The following LRRC58 variants were observed in gnomAD, a reference collection of about 807,000 sequenced individuals.
LRRC58 encodes the protein leucine rich repeat containing 58, also known as leucine-rich repeat-containing protein 58.
In LRRC58, 18 loss-of-function variants were observed where a neutral mutation model predicts 30.6. That is an observed-to-expected ratio of 0.59 (90% CI 0.41 to 0.87). LRRC58 has a LOEUF of 0.87. LRRC58 is among the 40% of genes least tolerant of loss of function. LRRC58 has a pLI of 0.00. For synonymous variants in LRRC58, 221 were observed against 206.0 expected, an observed-to-expected ratio of 1.07 and a Z score of -0.62; for missense variants, 420 against 468.4, an observed-to-expected ratio of 0.90 and a Z score of 0.95.
At position 120,349,068 on chromosome 3, in the gene LRRC58, A is replaced by G. The variant is rs1487595602; in HGVS notation, c.176T>C (p.Leu59Pro). ...GAAGCCGCTGCCCAGCGCCCGTGGC[A>G]GCGACACCAGACGGTTGTGAGGCAG... ...LLLPHNRLVS[L>P]PRALGSGFPH... Residue 59 changes from leucine to proline, a missense_variant, in exon 1 of 4, where the codon CTG becomes CCG. Transcript: ENST00000295628. The G allele has an allele frequency of 1.3e-6, 2 of 1,518,752 alleles. No individual in the cohort carries two copies. Among genetic ancestry groups the G allele is most frequent in the Non-Finnish European group, 8.8e-7 (1 of 1,141,848 alleles). 94.1% of individuals were successfully genotyped at this position (1,518,752 alleles called of 1,614,324 possible).
rs1935730651 is a variant in LRRC58 at position 120,329,908 on chromosome 3, C to A, written c.*1292G>T. ...GTACTTAATAAAAATTTGGTAATTT[C>A]TAATAGCAATTAATTTGTGAAACTA... On this transcript the variant is annotated 3_prime_UTR_variant, in exon 4 of 4. Transcript: ENST00000295628. The A allele has an allele frequency of 6.6e-6, 1 of 151,872 alleles. No individual in the cohort carries two copies. Among genetic ancestry groups the A allele is most frequent in the Non-Finnish European group, 1.5e-5 (1 of 67,890 alleles). The allele number at this position is 151,872 out of a possible 1,614,324, so 9.4% of individuals were successfully genotyped here.
intron 1 of LRRC58, among the ~76,000 whole-genome samples, chr3:120,344,974 G>C (rs1049783609): frequency 6.6e-6 from 1 of 152,078 alleles, no homozygotes; most frequent in African/African-American, 2.4e-5. Flanking sequence ...CATTTTGATG[G>C]AAAGTAACTA....
rs1935687211 is a variant in LRRC58, at chr3:120,327,165, T to A, written c.*4035A>T. 1 of 152,142 alleles carries A rather than the reference T, an allele frequency of 6.6e-6. No homozygotes were observed. The highest frequency in any genetic ancestry group is 2.4e-5 in the African/African-American group (1 of 41,428). The allele number at this position is 152,142 out of a possible 1,614,324, so 9.4% of individuals were successfully genotyped here. ...ACTTAATTTTAAAACAATTCACTAT[T>A]ACTTTAAAGGGCTTTCTAGGCCTAG... On this transcript the variant is annotated 3_prime_UTR_variant, in exon 4 of 4. Coordinates refer to ENST00000295628, the MANE Select transcript of LRRC58 (RefSeq NM_001099678.2).
chr3:120,331,408 C>T lies in LRRC58; in HGVS notation c.908G>A (p.Gly303Glu), dbSNP rs750579351. The T allele has an allele frequency of 2.5e-6, 4 of 1,610,282 alleles. No individual in the cohort carries two copies. Among genetic ancestry groups the T allele is most frequent in the South Asian group, 1.1e-5 (1 of 90,958 alleles). Residue 303 changes from glycine (G) to glutamate (E), a missense_variant and splice_region_variant, in exon 4 of 4, where the codon GGA (glycine) becomes GAA (glutamate). Around this residue, in one of 2 missense-constraint regions of LRRC58, gnomAD observed 154 missense variants for 216.8 expected, o/e 0.71. Transcript: ENST00000295628. ...TCTGACACAGCAGTCAAAGTAGACT[C>T]CTAAAGAGAAGAAGGAATAGAAAGT... ...ASNCPNPKCG[G>E]VYFDCCVRQI... is the part of the protein sequence containing the mutation.
rs1017643329 is a variant in LRRC58, at chr3:120,335,020, C to T, written c.749G>A (p.Arg250His). 1.2e-6 allele frequency: 2 copies of T among 1,613,858 alleles called. No homozygotes were observed. The highest frequency in any genetic ancestry group is 1.1e-5 in the South Asian group (1 of 91,068). ...LSLRGNPLVV[R>H]FVRDLTYDPP... The stretch of plus-strand genomic sequence containing the variant: ...ATCATAGGTTAAATCTCTAACAAAA[C>T]GAACAACCAATGGATTTCCTCGTAA... Residue 250 changes from arginine to histidine, a missense_variant, in exon 3 of 4, where the codon CGT becomes CAT. Arg to His is a conservative substitution (Grantham distance 29). Transcript: ENST00000295628.
Position 120,325,049 on chromosome 3 carries a change from T to G in LRRC58, c.*6151A>C, listed in dbSNP as rs1321399041. Reference sequence around the variant, plus strand: ...TTACAATGCTGCTTATCTAAAACTTTTCTCCCATTATGTTTTTGTTTCTCA... The same window carrying G: ...TTACAATGCTGCTTATCTAAAACTTGTCTCCCATTATGTTTTTGTTTCTCA... On this transcript the variant is annotated 3_prime_UTR_variant, in exon 4 of 4. Transcript: ENST00000295628. 1 of 152,230 alleles carries G rather than the reference T, an allele frequency of 6.6e-6. No individual in the cohort carries two copies. Among genetic ancestry groups the G allele is most frequent in the Non-Finnish European group, 1.5e-5 (1 of 68,036 alleles). 9.4% of individuals were successfully genotyped at this position (152,230 alleles called of 1,614,324 possible).
intron 3 of LRRC58, among the ~76,000 whole-genome samples, chr3:120,332,767 A>G (rs1464183042): frequency 6.6e-6 from 1 of 151,442 alleles, no homozygotes; most frequent in Non-Finnish European, 1.5e-5. Flanking sequence ...TTTTTTTTTA[A>G]GAGACAGGGT....
rs1935682046 is a variant in LRRC58, at chr3:120,326,844, A to G, written c.*4356T>C. Reference sequence around the variant, plus strand: ...AATAATAACCATTAACTTTTTTTACATAGCTACTGCTAAAATGCTTTAAAA... The same window carrying G: ...AATAATAACCATTAACTTTTTTTACGTAGCTACTGCTAAAATGCTTTAAAA... On this transcript the variant is annotated 3_prime_UTR_variant, in exon 4 of 4. Transcript: ENST00000295628. 1 of 152,248 alleles carries G rather than the reference A, an allele frequency of 6.6e-6. No individual in the cohort carries two copies. 9.4% of individuals were successfully genotyped at this position (152,248 alleles called of 1,614,324 possible).
At chr3:120,346,787 A>G (rs1157108572) in intron 1 of LRRC58, among the ~76,000 whole-genome samples, 2 of 152,102 alleles carry the variant, frequency 1.3e-5, no homozygotes, top group African/African-American at 4.8e-5. Context: ...CTCTCATCCT[A>G]TTACAATGAC....
At chr3:120,346,297 A>G (rs534482110) in intron 1 of LRRC58, among the ~76,000 whole-genome samples, 13 of 152,170 alleles carry the variant, frequency 8.5e-5, no homozygotes, top group African/African-American at 2.9e-4. Flanking sequence ...AAAACAAGCA[A>G]AAAACCATGA....
At chr3:120,347,856 C>G (rs894598190) in intron 1 of LRRC58, among the ~76,000 whole-genome samples, 1 of 152,264 alleles carries the variant, frequency 6.6e-6, no homozygotes, top group East Asian at 1.9e-4. Flanking sequence ...ACTCCCCCAC[C>G]GGGCACTTTT....
rs1252375869 is a variant in LRRC58, at chr3:120,327,016, G to GT, written c.*4183dup. On this transcript the variant is annotated 3_prime_UTR_variant, in exon 4 of 4. Transcript: ENST00000295628. ...CCCTTTGGGAAGAGCAAGGTTGGCT[G>GT]TAAGAAGATCGTATTACTTGCTGGC... The GT allele has an allele frequency of 2.6e-5, 4 of 152,198 alleles. No homozygotes were observed. The highest frequency in any genetic ancestry group is 1.3e-4 in the Admixed American group (2 of 15,288). 9.4% of individuals were successfully genotyped at this position (152,198 alleles called of 1,614,324 possible).
At chr3:120,339,622 T>C (rs1020364224) in intron 1 of LRRC58, among the ~76,000 whole-genome samples, 3 of 152,214 alleles carry the variant, frequency 2.0e-5, no homozygotes, top group African/African-American at 7.2e-5. Flanking sequence ...TGCTCCGTTA[T>C]CTTATTACAG....
At chr3:120,346,211 C>T (rs961826905) in intron 1 of LRRC58, among the ~76,000 whole-genome samples, 1 of 152,078 alleles carries the variant, frequency 6.6e-6, no homozygotes, top group African/African-American at 2.4e-5. Context: ...GAGCCCAGAT[C>T]ATGCCACTGC....
chr3:120,342,113 G>A (rs1420685362), intron 1 of LRRC58, among the ~76,000 whole-genome samples: 1 of 151,964 alleles, frequency 6.6e-6, no homozygotes, highest in Admixed American at 6.5e-5. Flanking sequence ...CTTGGAGCAG[G>A]AGCTGGGGCT....
rs1935811285 is a variant in LRRC58 at position 120,334,786 on chromosome 3, T to A, written c.907+76A>T. On this transcript the variant is annotated intron_variant, in intron 3 of 3. Transcript: ENST00000295628. Reference sequence around the variant, plus strand: ...TAAAGGGAACAGAAACAGAGACTGCTTTTGTCTGAAAGAAGACTTAATTAA... The same window carrying A: ...TAAAGGGAACAGAAACAGAGACTGCATTTGTCTGAAAGAAGACTTAATTAA... The A allele has an allele frequency of 6.8e-6, 9 of 1,320,812 alleles. No homozygotes were observed. The South Asian group carries it at 1.4e-4, about 20-fold the overall frequency. 81.8% of individuals were successfully genotyped at this position (1,320,812 alleles called of 1,614,324 possible).
intron 1 of LRRC58, among the ~76,000 whole-genome samples, chr3:120,343,995 T>C (rs1935936582): frequency 6.6e-6 from 1 of 152,046 alleles, no homozygotes; most frequent in African/African-American, 2.4e-5. Flanking sequence ...GGTGAGATCG[T>C]GCCGCTGCAC....
chr3:120,343,092 G>C (rs1280636670), intron 1 of LRRC58, among the ~76,000 whole-genome samples: 1 of 152,210 alleles, frequency 6.6e-6, no homozygotes, highest in Non-Finnish European at 1.5e-5. Context: ...CAAAACATTA[G>C]TAGTTACCTT....
At position 120,330,380 on chromosome 3, in the gene LRRC58, G is replaced by A. The variant is rs935618823; in HGVS notation, c.*820C>T. On this transcript the variant is annotated 3_prime_UTR_variant, in exon 4 of 4. Coordinates refer to ENST00000295628, the MANE Select transcript of LRRC58 (RefSeq NM_001099678.2). ...AAAATGTTAAGAGGGCCATGAGATC[G>A]GATATTAGATACACAGTTATTTACC... The A allele has an allele frequency of 3.3e-5, 5 of 152,040 alleles. No homozygotes were observed. The highest frequency in any genetic ancestry group is 1.9e-4 in the East Asian group (1 of 5,188). 9.4% of individuals were successfully genotyped at this position (152,040 alleles called of 1,614,324 possible).
Sources: gnomAD v4.1 joint callset for allele counts (sites outside exome capture counted in the v4.1 genomes callset) on GRCh38, gnomAD v4.1.1 for gene constraint, gnomAD v4.1.1 regional missense constraint, MANE v1.5 for transcripts, NCBI Gene and HGNC (gene_info 2026-07-23, HGNC 2026-07-21) for gene names.